The following BCAT1 variants were observed in gnomAD, a reference collection of about 807,000 sequenced individuals.
The protein encoded by BCAT1 is branched-chain-amino-acid aminotransferase, cytosolic.
Under a neutral mutation model 52.4 loss-of-function variants are expected in BCAT1, and 48 were observed. The observed-to-expected ratio is 0.92, with a 90% CI of 0.73 to 1.16. The LOEUF is 1.16. Among genes scored for constraint, BCAT1 ranks in the 50% most tolerant of loss-of-function variants. The pLI is 0.00. For synonymous variants in BCAT1, 167 were observed against 161.3 expected, an observed-to-expected ratio of 1.04 and a Z score of -0.27; for missense variants, 451 against 457.1, an observed-to-expected ratio of 0.99 and a Z score of 0.12.
intron 10 of BCAT1, 111 bp from the exon 11 acceptor site, chr12:24,818,160 G>T: frequency 1.9e-6 from 2 of 1,041,042 alleles, no homozygotes; most frequent in South Asian, 2.7e-5. Context: ...CTTCTGCTTT[G>T]AACAACATTT....
chr12:24,836,770 T>G (rs893794348), intron 7 of BCAT1, among the ~76,000 whole-genome samples, 174 bp from the exon 8 acceptor site: 1 of 135,472 alleles, frequency 7.4e-6, no homozygotes, highest in African/African-American at 2.8e-5. Flanking sequence ...AGGTAGACCC[T>G]TATTTAAAAA....
intron 1 of BCAT1, among the ~76,000 whole-genome samples, chr12:24,940,686 CA>C (rs1344426821): frequency 6.6e-6 from 1 of 151,886 alleles, no homozygotes; most frequent in African/African-American, 2.4e-5. Flanking sequence ...TGTGTATAAC[CA>C]AAAGAAAAAG....
At chr12:24,934,874 G>C (rs1479817556) in intron 1 of BCAT1, among the ~76,000 whole-genome samples, 1 of 152,160 alleles carries the variant, frequency 6.6e-6, no homozygotes, top group African/African-American at 2.4e-5. Flanking sequence ...TGTACCACTT[G>C]CCACATCTCA....
intron 5 of BCAT1, among the ~76,000 whole-genome samples, chr12:24,877,140 T>A (rs1942371384): frequency 6.6e-6 from 1 of 152,196 alleles, no homozygotes; most frequent in Non-Finnish European, 1.5e-5. Flanking sequence ...CGGTATTTAT[T>A]CCATGGCCCT....
intron 8 of BCAT1, chr12:24,834,277 G>T: frequency 1.0e-6 from 1 of 985,248 alleles, no homozygotes; most frequent in Non-Finnish European, 1.2e-6. Flanking sequence ...TGACTTTACA[G>T]TGACAATTCT....
intron 6 of BCAT1, among the ~76,000 whole-genome samples, chr12:24,846,484 G>A (rs1941348387): frequency 6.6e-6 from 1 of 152,178 alleles, no homozygotes; most frequent in East Asian, 1.9e-4. Flanking sequence ...ATTTCAATAT[G>A]GTTTTAAATA....
chr12:24,859,475 G>A (rs1941788561), intron 5 of BCAT1, among the ~76,000 whole-genome samples: 1 of 152,034 alleles, frequency 6.6e-6, no homozygotes. Flanking sequence ...AAAAAAATTA[G>A]CCAAGCGTAG....
At chr12:24,846,041 T>C (rs142860917) in intron 6 of BCAT1, among the ~76,000 whole-genome samples, 1,984 of 152,284 alleles carry the variant, frequency 0.013, 16 homozygotes, top group Middle Eastern at 0.048. Flanking sequence ...AAAAAACACA[T>C]AGAGAATTCT....
chr12:24,926,872 G>T (rs1048548158), intron 1 of BCAT1, among the ~76,000 whole-genome samples: 3 of 151,716 alleles, frequency 2.0e-5, no homozygotes, highest in Admixed American at 1.3e-4. Flanking sequence ...TTGTTCACTC[G>T]TTTATCTGCT....
chr12:24,878,266 G>A (rs995501186), intron 5 of BCAT1, among the ~76,000 whole-genome samples: 6 of 151,796 alleles, frequency 4.0e-5, no homozygotes, highest in African/African-American at 1.2e-4. Flanking sequence ...GTATATAATC[G>A]AATTATAATT....
At chr12:24,948,428 G>A (rs1350107636) in intron 1 of BCAT1, among the ~76,000 whole-genome samples, 2 of 152,076 alleles carry the variant, frequency 1.3e-5, no homozygotes, top group East Asian at 1.9e-4. Context: ...AAAATAAGAG[G>A]GGCCTTCTGC....
At position 24,875,758 on chromosome 12, in the gene BCAT1, C is replaced by T. The variant is rs144288667; in HGVS notation, c.510+2772G>A. ...CTAATAGTGAGAATGATCATGACTA[C>T]AAGATGGACCACAAAACCTGATTTA... On this transcript the variant is annotated intron_variant, in intron 5 of 10. Transcript: ENST00000261192. Among the ~76,000 whole-genome samples, 212 of 152,220 alleles carry T rather than the reference C, an allele frequency of 1.4e-3. 1 individual carries two copies. Among genetic ancestry groups the T allele is most frequent in the African/African-American group, 4.9e-3 (203 of 41,542 alleles).
chr12:24,842,231 G>A lies in BCAT1; in HGVS notation c.675-7C>T, dbSNP rs766082906. 9 of 1,612,820 alleles carry A rather than the reference G, an allele frequency of 5.6e-6. No homozygotes were observed. The South Asian group carries it at 9.9e-5, about 18-fold the overall frequency. On this transcript the variant is annotated splice_polypyrimidine_tract_variant and splice_region_variant and intron_variant, in intron 6 of 10. Coordinates refer to ENST00000261192, the MANE Select transcript of BCAT1 (RefSeq NM_005504.7). The stretch of plus-strand genomic sequence containing the variant: ...AAGAGATGAGCCGTAATTCCTTTAA[G>A]AAAGAGAAAATACACAGGTTACAAA...
intron 7 of BCAT1, among the ~76,000 whole-genome samples, chr12:24,837,089 G>A (rs1941000390): frequency 1.4e-5 from 1 of 70,230 alleles, no homozygotes; most frequent in Non-Finnish European, 3.4e-5. Context: ...GGGAGGGAGG[G>A]AGGGAGAAAG....
At chr12:24,907,145 C>G (rs1051364348) in intron 1 of BCAT1, among the ~76,000 whole-genome samples, 1 of 152,184 alleles carries the variant, frequency 6.6e-6, no homozygotes. Flanking sequence ...TCAGTCCTTT[C>G]GGACATCAGG....
chr12:24,873,010 C>A (rs534475746), intron 5 of BCAT1, among the ~76,000 whole-genome samples: 2 of 152,298 alleles, frequency 1.3e-5, no homozygotes, highest in South Asian at 4.2e-4. Flanking sequence ...CCAGAATCCC[C>A]GAGGAAATAA....
intron 2 of BCAT1, among the ~76,000 whole-genome samples, chr12:24,899,505 C>T (rs776273865): frequency 1.3e-4 from 19 of 151,544 alleles, no homozygotes; most frequent in Non-Finnish European, 2.1e-4. Flanking sequence ...AGTAGAATGA[C>T]CATATAAACC....
At chr12:24,824,535 A>G (rs1022799500) in intron 10 of BCAT1, among the ~76,000 whole-genome samples, 8 of 152,140 alleles carry the variant, frequency 5.3e-5, no homozygotes, top group Non-Finnish European at 1.0e-4. Flanking sequence ...ACTAGCCTCA[A>G]GTATTGTTCC....
chr12:24,931,833 G>A (rs1052228323), intron 1 of BCAT1, among the ~76,000 whole-genome samples: 1 of 152,156 alleles, frequency 6.6e-6, no homozygotes. Flanking sequence ...AACGCCACAC[G>A]ATTCAGAAAA....
Sources: allele counts gnomAD v4.1 joint callset (sites outside exome capture counted in the v4.1 genomes callset), GRCh38; gene constraint gnomAD v4.1.1; transcripts MANE v1.5; gene names NCBI Gene and HGNC (gene_info 2026-07-23, HGNC 2026-07-21).